Variants in P4HA1 observed in about 807,000 individuals in gnomAD.
P4HA1 encodes the protein prolyl 4-hydroxylase subunit alpha-1.
A neutral mutation model predicts 72.8 loss-of-function variants in P4HA1; 24 were observed. The ratio of observed to expected loss-of-function variants is 0.33; its 90% CI spans 0.24 to 0.46. The LOEUF (loss-of-function observed/expected upper bound fraction) is 0.46. Among genes scored for constraint, P4HA1 ranks in the 20% least tolerant of loss-of-function variants. The pLI is 1.00. For missense variants in P4HA1, 446 were observed against 640.6 expected (o/e 0.70, Z 3.28); for synonymous variants, 201 against 218.8 (o/e 0.92, Z 0.72).
intron 10 of P4HA1, among the ~76,000 whole-genome samples, chr10:73,021,458 C>T (rs1840132989): frequency 6.6e-6 from 1 of 152,144 alleles, no homozygotes; most frequent in South Asian, 2.1e-4. Context: ...AAATGTGGTG[C>T]TTATATATAA....
In P4HA1 at chr10:73,057,058, T is replaced by C. The variant is rs1276312638; in HGVS notation, c.464-3468A>G. ...CTGAGTGACAGAGCAAGACGCTGTC[T>C]CGAAAAAAAAAAAAAAAATAGATTA... On this transcript the variant is annotated intron_variant, in intron 5 of 14. Transcript: ENST00000394890. Among the ~76,000 whole-genome samples the C allele has an allele frequency of 4.4e-5, 6 of 136,446 alleles. No homozygotes were observed. In the East Asian group the frequency reaches 1.0e-3, roughly 24 times the overall value. The allele number at this position is 136,446 out of a possible 152,430, so 89.5% of individuals were successfully genotyped here. A position where few individuals can be genotyped will look rare whatever the true frequency, so the allele number is the denominator to read the frequency against.
At chr10:73,082,407 T>C in intron 1 of P4HA1, 1 of 152,218 alleles carries the variant, frequency 6.6e-6, no homozygotes, top group South Asian at 2.1e-4. Context: ...CAAGAAAAAG[T>C]TGTAAAATTT....
chr10:73,074,433 C>T (rs1434948747), intron 2 of P4HA1, among the ~76,000 whole-genome samples: 3 of 151,890 alleles, frequency 2.0e-5, no homozygotes, highest in African/African-American at 7.3e-5. Context: ...GCCTGGTCAA[C>T]ATGGTGAGAC....
chr10:73,089,987 A>C (rs909932932), intron 1 of P4HA1, among the ~76,000 whole-genome samples: 8 of 152,054 alleles, frequency 5.3e-5, no homozygotes, highest in Non-Finnish European at 1.2e-4. Flanking sequence ...CAGGCACACA[A>C]CACCACACCT....
At chr10:73,057,186 T>C (rs563351347) in intron 5 of P4HA1, among the ~76,000 whole-genome samples, 2 of 150,410 alleles carry the variant, frequency 1.3e-5, no homozygotes, top group South Asian at 4.2e-4. Context: ...AAACATGAAA[T>C]GCTAGTTAAA....
At chr10:73,045,546 T>G (rs1468352279) in intron 8 of P4HA1, among the ~76,000 whole-genome samples, 1 of 150,234 alleles carries the variant, frequency 6.7e-6, no homozygotes, top group East Asian at 1.9e-4. Context: ...CCCTTCAAGA[T>G]AGCCACTCTC....
At chr10:73,091,744 T>C (rs1842036874) in intron 1 of P4HA1, among the ~76,000 whole-genome samples, 1 of 152,170 alleles carries the variant, frequency 6.6e-6, no homozygotes, top group Admixed American at 6.5e-5. Context: ...AATGGAAATA[T>C]CTAGAGAAAC....
intron 6 of P4HA1, among the ~76,000 whole-genome samples, chr10:73,052,201 A>C (rs1841037603): frequency 1.3e-5 from 2 of 152,050 alleles, no homozygotes; most frequent in Admixed American, 6.5e-5. Flanking sequence ...AAAAAAAAAA[A>C]AAACTAAAGA....
chr10:73,080,895 T>A (rs1841807159), intron 1 of P4HA1, among the ~76,000 whole-genome samples: 1 of 152,160 alleles, frequency 6.6e-6, no homozygotes, highest in Non-Finnish European at 1.5e-5. Context: ...GCCACTGCAC[T>A]CCAGCCTGGG....
intron 1 of P4HA1, among the ~76,000 whole-genome samples, chr10:73,079,123 TC>T (rs1841769378): frequency 1.3e-5 from 2 of 152,210 alleles, no homozygotes; most frequent in Non-Finnish European, 2.9e-5. Context: ...ATCTTGTAGT[TC>T]TATAAGCCTC....
chr10:73,013,569 A>G (rs1465080045), intron 12 of P4HA1, among the ~76,000 whole-genome samples: 1 of 152,264 alleles, frequency 6.6e-6, no homozygotes, highest in African/African-American at 2.4e-5. Flanking sequence ...AGATACATTA[A>G]GAAAATCGTT....
In P4HA1 at chr10:73,037,559, ATATATATATATATT is replaced by A. The variant is rs1387771390; in HGVS notation, c.1149-7203_1149-7190del. Among the ~76,000 whole-genome samples, 30 of 32,266 alleles carry A rather than the reference ATATATATATATATT, an allele frequency of 9.3e-4. 3 individuals are homozygous for A. The highest frequency in any genetic ancestry group is 0.011 in the Middle Eastern group (1 of 92). The allele number at this position is 32,266 out of a possible 152,430, so 21.2% of individuals were successfully genotyped here. Reference sequence around the variant, plus strand: ...TATATATATATATATATATATATATATATATATATATATTTTTTTTTTTTTTTTTTTACAAAGGC... The same window carrying A: ...TATATATATATATATATATATATATATTTTTTTTTTTTTTTTTACAAAGGC... On this transcript the variant is annotated intron_variant, in intron 9 of 14. Coordinates refer to ENST00000394890, the MANE Select transcript of P4HA1 (RefSeq NM_001017962.3).
intron 10 of P4HA1, 130 bp downstream of exon 10, chr10:73,030,141 G>A: frequency 2.3e-6 from 1 of 434,366 alleles, no homozygotes; most frequent in Admixed American, 3.9e-5. Flanking sequence ...CATGGTTGCA[G>A]CTTACAGGGT....
At chr10:73,093,909 C>CAT (rs1842108309) in intron 1 of P4HA1, among the ~76,000 whole-genome samples, 2 of 53,384 alleles carry the variant, frequency 3.7e-5, no homozygotes, top group Non-Finnish European at 7.1e-5. Flanking sequence ...TATATATATA[C>CAT]ACACACACAC....
At chr10:73,089,621 TA>T (rs2133166144) in intron 1 of P4HA1, among the ~76,000 whole-genome samples, 2 of 136,780 alleles carry the variant, frequency 1.5e-5, no homozygotes, top group South Asian at 4.5e-4. Flanking sequence ...ATTCATAAAA[TA>T]AAATACTATT....
intron 10 of P4HA1, among the ~76,000 whole-genome samples, chr10:73,021,283 A>G (rs1840129781): frequency 6.6e-6 from 1 of 152,144 alleles, no homozygotes; most frequent in Non-Finnish European, 1.5e-5. Context: ...CTAAAAATAG[A>G]TCTACCATAT....
Position 73,051,038 on chromosome 10 carries a change from G to T in P4HA1, c.900+15C>A. 1 of 1,596,790 alleles carries T rather than the reference G, an allele frequency of 6.3e-7. No individual in the cohort carries two copies. The highest frequency in any genetic ancestry group is 8.6e-7 in the Non-Finnish European group (1 of 1,165,270). On this transcript the variant is annotated intron_variant, in intron 7 of 14. Coordinates refer to ENST00000394890, the MANE Select transcript of P4HA1 (RefSeq NM_001017962.3). ...ACACACATTCACATACACACAATTG[G>T]CTTTTCCACTTTACCATTTTGATAC...
At chr10:73,067,784 A>C (rs756478869) in intron 5 of P4HA1, among the ~76,000 whole-genome samples, 2 of 152,114 alleles carry the variant, frequency 1.3e-5, no homozygotes, top group Admixed American at 6.6e-5. Context: ...TATGAGGTCC[A>C]GCAATAGGTT....
intron 1 of P4HA1, among the ~76,000 whole-genome samples, chr10:73,087,744 G>A (rs1268066648): frequency 6.6e-6 from 1 of 150,762 alleles, no homozygotes; most frequent in African/African-American, 2.4e-5. Flanking sequence ...CTCCAGTCTT[G>A]GCCTCCCAAA....
Sources: allele counts gnomAD v4.1 joint callset (sites outside exome capture counted in the v4.1 genomes callset), GRCh38; gene constraint gnomAD v4.1.1; transcripts MANE v1.5; gene names NCBI Gene and HGNC (gene_info 2026-07-23, HGNC 2026-07-21).